BANK1: variants seen among roughly 807,000 people sequenced by gnomAD.
BANK1 encodes B-cell scaffold protein with ankyrin repeats.
BANK1 carries 95 observed loss-of-function variants against 94.5 expected under a neutral mutation model. The ratio of observed to expected loss-of-function variants is 1.00; its 90% confidence interval spans 0.85 to 1.19. The LOEUF (loss-of-function observed/expected upper bound fraction) is 1.19, where lower values mean the gene tolerates loss of function less well. Ranked by LOEUF, BANK1 falls within the 50% of genes most tolerant of loss-of-function variation. The probability of loss-of-function intolerance (pLI) is 0.00; values close to 1 mark genes in which losing one functional copy is unlikely to be tolerated. For synonymous variants in BANK1, 334 were observed against 308.4 expected, an observed-to-expected ratio of 1.08 and a Z score of -0.87; for missense variants, 987 against 932.2, an observed-to-expected ratio of 1.06 and a Z score of -0.77.
intron 5 of BANK1, among the ~76,000 whole-genome samples, chr4:101,875,019 A>G (rs1051269166): frequency 1.3e-5 from 2 of 152,174 alleles, no homozygotes; most frequent in Non-Finnish European, 2.9e-5. Flanking sequence ...GGCTCTACCA[A>G]TTGTCCCCCT....
chr4:101,850,109 G>T (rs900599618), intron 2 of BANK1, among the ~76,000 whole-genome samples: 3 of 152,128 alleles, frequency 2.0e-5, no homozygotes, highest in South Asian at 2.1e-4. Context: ...ATTTTTAAGG[G>T]TGTGTTCAGA....
At chr4:101,860,406 G>A (rs987237336) in intron 3 of BANK1, among the ~76,000 whole-genome samples, 2 of 147,448 alleles carry the variant, frequency 1.4e-5, no homozygotes, top group Admixed American at 1.4e-4. Context: ...TGGTTGAAAG[G>A]TGGAGTCCTG....
chr4:101,840,993 A>AT (rs938308963), intron 2 of BANK1, among the ~76,000 whole-genome samples: 4 of 152,078 alleles, frequency 2.6e-5, no homozygotes, highest in Non-Finnish European at 4.4e-5. Flanking sequence ...CGCCCAGCTA[A>AT]TTTTTTTATT....
At chr4:101,850,578 C>T (rs1216134299) in intron 2 of BANK1, among the ~76,000 whole-genome samples, 3 of 152,022 alleles carry the variant, frequency 2.0e-5, no homozygotes, top group Admixed American at 6.6e-5. Flanking sequence ...CCACCGTGCC[C>T]GGCCTGTGCT....
At chr4:101,823,986 A>G (rs1471065545) in intron 1 of BANK1, among the ~76,000 whole-genome samples, 1 of 152,212 alleles carries the variant, frequency 6.6e-6, no homozygotes, top group Non-Finnish European at 1.5e-5. Flanking sequence ...GAAATGGAGA[A>G]AGATAAGAAA....
chr4:101,907,603 G>A (rs1265767438), intron 6 of BANK1, among the ~76,000 whole-genome samples: 1 of 152,144 alleles, frequency 6.6e-6, no homozygotes, highest in Non-Finnish European at 1.5e-5. Context: ...TAGGAAAAGA[G>A]GAAGTCAAAT....
intron 7 of BANK1, among the ~76,000 whole-genome samples, chr4:101,995,172 T>C (rs936382479): frequency 6.6e-6 from 1 of 151,854 alleles, no homozygotes; most frequent in African/African-American, 2.4e-5. Context: ...TTCAGCTCCC[T>C]CTTATGAGTG....
intron 9 of BANK1, among the ~76,000 whole-genome samples, chr4:102,029,008 G>C (rs1029453086): frequency 2.6e-5 from 4 of 151,350 alleles, no homozygotes; most frequent in Non-Finnish European, 5.9e-5. Flanking sequence ...TCAAACTCTT[G>C]GGCTAAAGCA....
At chr4:102,012,162 A>G (rs1313818801) in intron 7 of BANK1, among the ~76,000 whole-genome samples, 3 of 152,170 alleles carry the variant, frequency 2.0e-5, no homozygotes, top group South Asian at 2.1e-4. Context: ...TTAGGGTACT[A>G]TGGTGTGTTG....
At position 101,830,145 on chromosome 4, in the gene BANK1, G is replaced by A. The variant is rs1161685898; in HGVS notation, c.408G>A (p.Glu136=). The change falls in exon 2 of 17, where the codon GAG becomes GAA. Residue 136 remains glutamate, a synonymous_variant. Transcript: ENST00000322953. ...ELLNISQSRW[E]ISTEQEPEDY... is the part of the protein sequence containing the mutation. Reference sequence around the variant, plus strand: ...TAAATATCTCTCAAAGCAGATGGGAGATCTCAACTGAACAGGAACCTGAAG... The same window carrying A: ...TAAATATCTCTCAAAGCAGATGGGAAATCTCAACTGAACAGGAACCTGAAG... 2 of 1,606,702 alleles carry A rather than the reference G, an allele frequency of 1.2e-6. No individual in the cohort carries two copies. Among genetic ancestry groups the A allele is most frequent in the African/African-American group, 1.3e-5 (1 of 74,422 alleles).
chr4:102,025,131 A>C lies in BANK1; in HGVS notation c.1286-70A>C, dbSNP rs1727039338. The C allele has an allele frequency of 3.3e-6, 5 of 1,512,446 alleles. No homozygotes were observed. The Admixed American group carries it at 5.7e-5, about 17-fold the overall frequency. The allele number at this position is 1,512,446 out of a possible 1,614,324, so 93.7% of individuals were successfully genotyped here. On this transcript the variant is annotated intron_variant, in intron 8 of 16. Transcript: ENST00000322953. ...TTAGCAGTACTACTATTTCTGTACA[A>C]TTTTATAAAATATGAAATGCCTTCA...
intron 7 of BANK1, among the ~76,000 whole-genome samples, chr4:102,007,057 A>ATATTT (rs1371843124): frequency 1.5e-4 from 18 of 117,826 alleles, no homozygotes; most frequent in Non-Finnish European, 2.6e-4. Flanking sequence ...ATATATATAA[A>ATATTT]ATATATAATT....
chr4:102,068,358 G>A (rs915151724), intron 13 of BANK1, among the ~76,000 whole-genome samples: 1 of 151,734 alleles, frequency 6.6e-6, no homozygotes, highest in Non-Finnish European at 1.5e-5. Context: ...AAAAAGGAAA[G>A]AGATAAACAA....
At chr4:101,977,183 G>T (rs1163292342) in intron 7 of BANK1, 1 of 152,050 alleles carries the variant, frequency 6.6e-6, no homozygotes. Context: ...TTCAGCTTGG[G>T]GCTTCTGCTC....
intron 10 of BANK1, among the ~76,000 whole-genome samples, chr4:102,035,412 G>A (rs1180217163): frequency 6.6e-6 from 1 of 152,016 alleles, no homozygotes; most frequent in Non-Finnish European, 1.5e-5. Context: ...ACTTTGGGAG[G>A]CCGAGGCGGG....
At chr4:101,861,115 G>A (rs1050875880) in intron 3 of BANK1, among the ~76,000 whole-genome samples, 15 of 150,168 alleles carry the variant, frequency 1.0e-4, no homozygotes, top group African/African-American at 3.8e-4. Flanking sequence ...AAGTGGAATA[G>A]TGGGAGTTCC....
intron 12 of BANK1, among the ~76,000 whole-genome samples, chr4:102,060,849 A>G (rs1180627693): frequency 1.3e-5 from 2 of 152,164 alleles, no homozygotes; most frequent in Non-Finnish European, 2.9e-5. Context: ...ACATACACAC[A>G]TTTACATATA....
At chr4:101,895,728 C>A (rs1722050863) in intron 6 of BANK1, among the ~76,000 whole-genome samples, 2 of 151,554 alleles carry the variant, frequency 1.3e-5, no homozygotes, top group African/African-American at 2.4e-5. Flanking sequence ...TTATAATAAC[C>A]AAAAAGTGGA....
At chr4:101,947,971 T>G (rs1440662903) in intron 7 of BANK1, among the ~76,000 whole-genome samples, 1 of 152,082 alleles carries the variant, frequency 6.6e-6, no homozygotes, top group Non-Finnish European at 1.5e-5. Flanking sequence ...TCAGGATTAT[T>G]CATCCCTTTT....
Sources: allele counts gnomAD v4.1 joint callset (sites outside exome capture counted in the v4.1 genomes callset), GRCh38; gene constraint gnomAD v4.1.1; transcripts MANE v1.5; gene names NCBI Gene and HGNC (gene_info 2026-07-23, HGNC 2026-07-21).